Variants in MARCHF1 observed in about 807,000 individuals in gnomAD.
MARCHF1 encodes membrane associated ring-CH-type finger 1.
Under a neutral mutation model 54.2 loss-of-function variants are expected in MARCHF1, and 40 were observed. The ratio of observed to expected loss-of-function variants is 0.74; its 90% CI spans 0.57 to 0.96. The LOEUF (loss-of-function observed/expected upper bound fraction) is 0.96. Among genes scored for constraint, MARCHF1 ranks in the 40% least tolerant of loss-of-function variants. MARCHF1 has a pLI of 0.00. For synonymous variants in MARCHF1, 236 were observed against 236.3 expected (o/e 1.00, Z 0.01); for missense variants, 586 against 656.5 (o/e 0.89, Z 1.17).
At chr4:163,613,678 A>C in intron 5 of MARCHF1, 1 of 1,285,506 alleles carries the variant, frequency 7.8e-7, no homozygotes, top group Non-Finnish European at 1.0e-6. Context: ...TAATCATTTG[A>C]GTGGAATAGC....
At chr4:163,651,170 G>C (rs924100170) in intron 5 of MARCHF1, among the ~76,000 whole-genome samples, 6 of 151,908 alleles carry the variant, frequency 3.9e-5, no homozygotes, top group Admixed American at 6.6e-5. Flanking sequence ...TGTTTTGGGT[G>C]CCATTTGAAA....
At chr4:163,658,764 G>A (rs897115563) in intron 5 of MARCHF1, among the ~76,000 whole-genome samples, 1 of 151,896 alleles carries the variant, frequency 6.6e-6, no homozygotes, top group African/African-American at 2.4e-5. Context: ...CACAGGGAGG[G>A]GAACAACACA....
intron 1 of MARCHF1, among the ~76,000 whole-genome samples, chr4:164,359,141 A>G (rs1258848813): frequency 6.6e-6 from 1 of 152,156 alleles, no homozygotes; most frequent in East Asian, 1.9e-4. Flanking sequence ...GCTTTGCACC[A>G]AGCAGTTAGA....
chr4:163,745,542 G>A (rs533093201), intron 4 of MARCHF1, among the ~76,000 whole-genome samples: 2 of 152,184 alleles, frequency 1.3e-5, no homozygotes, highest in Non-Finnish European at 2.9e-5. Flanking sequence ...CCAGCTAGCA[G>A]GTAAGTATAC....
chr4:164,285,037 G>A (rs1468005251), intron 1 of MARCHF1, among the ~76,000 whole-genome samples: 1 of 142,680 alleles, frequency 7.0e-6, no homozygotes, highest in African/African-American at 2.6e-5. Flanking sequence ...ACAAAAGTAG[G>A]TTGACTACTG....
At chr4:163,888,973 T>C (rs1463467711) in intron 3 of MARCHF1, among the ~76,000 whole-genome samples, 1 of 152,142 alleles carries the variant, frequency 6.6e-6, no homozygotes. Context: ...TAAATCAATG[T>C]GTACAATAAA....
chr4:163,826,930 G>C (rs1367421094), intron 4 of MARCHF1, among the ~76,000 whole-genome samples: 1 of 151,892 alleles, frequency 6.6e-6, no homozygotes, highest in Non-Finnish European at 1.5e-5. Flanking sequence ...ACAATACTGA[G>C]GTATTTTCCA....
intron 1 of MARCHF1, among the ~76,000 whole-genome samples, chr4:164,313,704 C>A (rs994084314): frequency 6.6e-6 from 1 of 152,226 alleles, no homozygotes; most frequent in African/African-American, 2.4e-5. Context: ...TAACAGAATG[C>A]ATCATCTTCC....
At chr4:163,988,146 C>T (rs888617832) in intron 3 of MARCHF1, among the ~76,000 whole-genome samples, 1 of 152,166 alleles carries the variant, frequency 6.6e-6, no homozygotes, top group Non-Finnish European at 1.5e-5. Flanking sequence ...ACCAGTTCCA[C>T]TATGTGAAAA....
chr4:163,590,688 A>G (rs1385090319), intron 7 of MARCHF1, among the ~76,000 whole-genome samples: 3 of 152,120 alleles, frequency 2.0e-5, no homozygotes, highest in Admixed American at 6.6e-5. Flanking sequence ...CCACAGTGGC[A>G]TCGTACAGAG....
chr4:164,277,371 T>C (rs1434639737), intron 1 of MARCHF1, among the ~76,000 whole-genome samples: 1 of 152,246 alleles, frequency 6.6e-6, no homozygotes, highest in African/African-American at 2.4e-5. Flanking sequence ...TGGCTTCACA[T>C]TGCACTTAAA....
chr4:163,906,200 C>G (rs1234770805), intron 3 of MARCHF1, among the ~76,000 whole-genome samples: 3 of 151,970 alleles, frequency 2.0e-5, no homozygotes, highest in Non-Finnish European at 2.9e-5. Context: ...AGGAGGATTT[C>G]TTGTTGATTA....
intron 4 of MARCHF1, among the ~76,000 whole-genome samples, chr4:163,806,971 C>T (rs1403932931): frequency 6.6e-6 from 1 of 151,980 alleles, no homozygotes; most frequent in Non-Finnish European, 1.5e-5. Flanking sequence ...CAGGATCAAA[C>T]GAAATTTTCT....
At chr4:164,261,873 G>GCT (rs1733476278) in intron 1 of MARCHF1, among the ~76,000 whole-genome samples, 2 of 152,090 alleles carry the variant, frequency 1.3e-5, no homozygotes, top group South Asian at 4.1e-4. Context: ...GGATGCAGTG[G>GCT]CTCACACCTG....
At chr4:164,183,673 T>C (rs1444593063) in intron 1 of MARCHF1, among the ~76,000 whole-genome samples, 1 of 152,166 alleles carries the variant, frequency 6.6e-6, no homozygotes, top group African/African-American at 2.4e-5. Context: ...ATACCACACA[T>C]AGTGCTGGGT....
chr4:164,163,056 T>C (rs1288207926), intron 1 of MARCHF1, among the ~76,000 whole-genome samples: 1 of 151,838 alleles, frequency 6.6e-6, no homozygotes, highest in African/African-American at 2.4e-5. Flanking sequence ...AGAAGACAAA[T>C]TAAGAACATT....
intron 2 of MARCHF1, among the ~76,000 whole-genome samples, chr4:164,096,904 T>A (rs919198237): frequency 2.6e-5 from 4 of 152,156 alleles, no homozygotes; most frequent in African/African-American, 9.7e-5. Context: ...GGTACTATTT[T>A]ACTATGCCTA....
intron 5 of MARCHF1, among the ~76,000 whole-genome samples, chr4:163,664,048 C>T (rs924729725): frequency 6.6e-6 from 1 of 151,846 alleles, no homozygotes; most frequent in Non-Finnish European, 1.5e-5. Flanking sequence ...AAAAATAAAC[C>T]GAGTACTCTC....
chr4:163,727,800 G>A (rs1433980499), intron 4 of MARCHF1, among the ~76,000 whole-genome samples: 1 of 151,868 alleles, frequency 6.6e-6, no homozygotes, highest in Non-Finnish European at 1.5e-5. Context: ...AGCTTCCCAA[G>A]TATCTGGGAC....
Sources: gnomAD v4.1 joint callset for allele counts (sites outside exome capture counted in the v4.1 genomes callset) on GRCh38, gnomAD v4.1.1 for gene constraint, MANE v1.5 for transcripts, NCBI Gene and HGNC (gene_info 2026-07-23, HGNC 2026-07-21) for gene names.